PTCHD4: variants seen among roughly 807,000 people sequenced by gnomAD.
PTCHD4 encodes the protein patched domain-containing protein 4.
A neutral mutation model predicts 58.1 loss-of-function variants in PTCHD4; 33 were observed. That is an observed-to-expected ratio of 0.57 (90% CI 0.43 to 0.76). The LOEUF (loss-of-function observed/expected upper bound fraction) is 0.76, where lower values mean the gene tolerates loss of function less well. Ranked by LOEUF, PTCHD4 falls within the 30% of genes least tolerant of loss-of-function variation. PTCHD4 has a pLI of 0.00. For missense variants in PTCHD4, 1,058 were observed against 1,027.1 expected (o/e 1.03, Z -0.41); for synonymous variants, 478 against 409.6 (o/e 1.17, Z -2.02).
intron 3 of PTCHD4, among the ~76,000 whole-genome samples, chr6:48,049,460 T>C (rs1764155956): frequency 2.6e-5 from 4 of 151,972 alleles, no homozygotes; most frequent in Admixed American, 2.6e-4. Context: ...TGCACTCATG[T>C]GTTTAATGAG....
chr6:48,107,694 C>T (rs1022983434), intron 1 of PTCHD4, among the ~76,000 whole-genome samples: 2 of 152,030 alleles, frequency 1.3e-5, no homozygotes, highest in African/African-American at 4.8e-5. Flanking sequence ...TTTTTGCAAC[C>T]TACTCATCTG....
At chr6:47,962,442 C>T (rs1021820531) in intron 4 of PTCHD4, among the ~76,000 whole-genome samples, 1 of 151,890 alleles carries the variant, frequency 6.6e-6, no homozygotes, top group African/African-American at 2.4e-5. Context: ...AATTGTAATC[C>T]CCATAATCCC....
rs1763859348 is a variant in PTCHD4 at position 47,876,792 on chromosome 6, C to G, written c.*1511G>C. On this transcript the variant is annotated 3_prime_UTR_variant, in exon 5 of 5. Transcript: ENST00000339488. ...TAATTTCCTGTGACAGGAGGCACAG[C>G]AATAGTCCAAGTAAGCACCCAACAG... Among the ~76,000 whole-genome samples, 1 of 151,972 alleles carries G rather than the reference C, an allele frequency of 6.6e-6. No homozygotes were observed. The highest frequency in any genetic ancestry group is 2.1e-4 in the South Asian group (1 of 4,826).
chr6:48,056,582 A>G (rs1056817314), intron 3 of PTCHD4, among the ~76,000 whole-genome samples: 3 of 152,222 alleles, frequency 2.0e-5, no homozygotes, highest in African/African-American at 4.8e-5. Context: ...AAAACAATAA[A>G]TGTAACTCGG....
At chr6:47,897,940 CTTTTTTT>C (rs67063892) in intron 4 of PTCHD4, among the ~76,000 whole-genome samples, 4 of 76,354 alleles carry the variant, frequency 5.2e-5, no homozygotes, top group South Asian at 5.9e-4. Flanking sequence ...TTCTTTCTTT[CTTTTTTT>C]TTTTTTTTTT....
At chr6:48,086,172 G>A (rs563637180) in intron 1 of PTCHD4, among the ~76,000 whole-genome samples, 19 of 152,320 alleles carry the variant, frequency 1.2e-4, no homozygotes, top group African/African-American at 2.2e-4. Context: ...CGACTCTGAT[G>A]TAGTGGTGTG....
At chr6:48,019,215 A>G (rs1255553332) in intron 3 of PTCHD4, among the ~76,000 whole-genome samples, 2 of 152,236 alleles carry the variant, frequency 1.3e-5, no homozygotes, top group Admixed American at 6.5e-5. Flanking sequence ...AGGTGGAAAG[A>G]GGCAAGGAAA....
intron 4 of PTCHD4, among the ~76,000 whole-genome samples, chr6:47,977,029 C>T (rs190421000): frequency 1.0e-3 from 155 of 152,174 alleles, no homozygotes; most frequent in South Asian, 7.3e-3. Context: ...TGTGGCTTAG[C>T]AATTTCACTT....
intron 4 of PTCHD4, among the ~76,000 whole-genome samples, chr6:47,920,971 C>T (rs1765413501): frequency 6.6e-6 from 1 of 152,134 alleles, no homozygotes; most frequent in Non-Finnish European, 1.5e-5. Context: ...ATTCACCACA[C>T]TGTCAGCTTA....
In PTCHD4 at chr6:48,069,149, G is replaced by T. The variant is rs966716646; in HGVS notation, c.-192C>A. 2.2e-5 allele frequency among the ~76,000 whole-genome samples: 3 copies of T among 136,850 alleles called. No individual in the cohort carries two copies. The highest frequency in any genetic ancestry group is 4.8e-5 in the Non-Finnish European group (3 of 62,910). The allele number at this position is 136,850 out of a possible 152,430, so 89.8% of individuals were successfully genotyped here. A position where few individuals can be genotyped will look rare whatever the true frequency, so the allele number is the denominator to read the frequency against. ...GACATGTGCCCCATAAAGGGGGGGG[G>T]GGCTGAGGGGGGGAGAGGAGGGAGA... On this transcript the variant is annotated 5_prime_UTR_variant, in exon 2 of 5. Transcript: ENST00000339488.
chr6:48,056,171 G>T (rs1387783046), intron 3 of PTCHD4, among the ~76,000 whole-genome samples: 1 of 152,120 alleles, frequency 6.6e-6, no homozygotes, highest in African/African-American at 2.4e-5. Flanking sequence ...AAATTATGTG[G>T]AGAAGGCTAT....
intron 4 of PTCHD4, among the ~76,000 whole-genome samples, chr6:47,957,704 C>G (rs574768620): frequency 1.3e-5 from 2 of 151,740 alleles, no homozygotes; most frequent in South Asian, 4.1e-4. Flanking sequence ...GGGTTCACGC[C>G]ATTCTTCTGC....
rs76435030 is a variant in PTCHD4 at position 47,877,133 on chromosome 6, T to C, written c.*1170A>G. On this transcript the variant is annotated 3_prime_UTR_variant, in exon 5 of 5. Coordinates refer to ENST00000339488, the MANE Select transcript of PTCHD4 (RefSeq NM_001384253.1). ...ATAGTTTCCTTATGCTAAGAACTAG[T>C]AGATGGCATGTGATGAGTGGGTATG... 8.7e-3 allele frequency among the ~76,000 whole-genome samples: 1,331 copies of C among 152,180 alleles called. 14 individuals carry two copies. Among genetic ancestry groups the C allele is most frequent in the Non-Finnish European group, 0.013 (879 of 67,970 alleles).
rs184174878 is a variant in PTCHD4 at position 48,105,536 on chromosome 6, A to T, written c.-970+5513T>A. ...TTGACACCCTAACATCACAATTAAAAGAACTAGCGAAGCAAGAGCAAACAC... is the reference window on the plus strand; with the variant it reads ...TTGACACCCTAACATCACAATTAAATGAACTAGCGAAGCAAGAGCAAACAC... On this transcript the variant is annotated intron_variant, in intron 1 of 4. Transcript: ENST00000339488. 5.9e-3 allele frequency among the ~76,000 whole-genome samples: 892 copies of T among 152,356 alleles called. 8 individuals are homozygous for T. Among genetic ancestry groups the T allele is most frequent in the African/African-American group, 0.02 (846 of 41,584 alleles).
intron 4 of PTCHD4, among the ~76,000 whole-genome samples, chr6:47,908,308 A>T (rs1405520979): frequency 6.6e-6 from 1 of 152,112 alleles, no homozygotes; most frequent in Non-Finnish European, 1.5e-5. Flanking sequence ...GAACTTTCTA[A>T]TGGCCATCAA....
At chr6:47,922,018 G>GC (rs1441558038) in intron 4 of PTCHD4, among the ~76,000 whole-genome samples, 4 of 151,478 alleles carry the variant, frequency 2.6e-5, no homozygotes, top group Non-Finnish European at 5.9e-5. Context: ...GCATGCCTGA[G>GC]CCCCAGTTAC....
At chr6:47,893,109 C>T (rs909948198) in intron 4 of PTCHD4, among the ~76,000 whole-genome samples, 2 of 152,178 alleles carry the variant, frequency 1.3e-5, no homozygotes, top group Non-Finnish European at 2.9e-5. Flanking sequence ...CTCCCGGGTT[C>T]AAGCGATTTT....
In PTCHD4 at chr6:47,863,491, G is replaced by C. The variant is rs1396234365; in HGVS notation, c.*14812C>G. On this transcript the variant is annotated 3_prime_UTR_variant, in exon 5 of 5. Transcript: ENST00000339488. Reference sequence around the variant, plus strand: ...ACCTGACACATACCCTACATTCTTAGGGTTGTGAGATTTAGCAAGTAAAAA... The same window carrying C: ...ACCTGACACATACCCTACATTCTTACGGTTGTGAGATTTAGCAAGTAAAAA... Among the ~76,000 whole-genome samples, 1 of 151,884 alleles carries C rather than the reference G, an allele frequency of 6.6e-6. No homozygotes were observed. Among genetic ancestry groups the C allele is most frequent in the Non-Finnish European group, 1.5e-5 (1 of 67,908 alleles).
intron 4 of PTCHD4, among the ~76,000 whole-genome samples, chr6:47,949,793 C>A (rs1261046670): frequency 6.6e-6 from 1 of 151,914 alleles, no homozygotes; most frequent in African/African-American, 2.4e-5. Context: ...TTATCAAAGT[C>A]TTTTATACAA....
Sources: gnomAD v4.1 joint callset for allele counts (sites outside exome capture counted in the v4.1 genomes callset) on GRCh38, gnomAD v4.1.1 for gene constraint, MANE v1.5 for transcripts, NCBI Gene and HGNC (gene_info 2026-07-23, HGNC 2026-07-21) for gene names.